Variants in TLN2 observed in about 807,000 individuals in gnomAD.
TLN2 encodes the protein talin-2.
In TLN2, 118 loss-of-function variants were observed where a neutral mutation model predicts 294.7. That is an observed-to-expected ratio of 0.40 (90% CI 0.34 to 0.47). The LOEUF is 0.47. Among genes scored for constraint, TLN2 ranks in the 20% least tolerant of loss-of-function variants. TLN2 has a pLI of 0.84. For synonymous variants in TLN2, 1,431 were observed against 1,304.5 expected (o/e 1.10, Z -2.09); for missense variants, 3,083 against 3,282.2 (o/e 0.94, Z 1.48).
At chr15:62,496,880 G>A (rs2039043750) in intron 1 of TLN2, among the ~76,000 whole-genome samples, 1 of 152,184 alleles carries the variant, frequency 6.6e-6, no homozygotes, top group Non-Finnish European at 1.5e-5. Context: ...AATGAGCTGT[G>A]TTCTGTAGGC....
At chr15:62,551,193 G>C (rs1237869506) in intron 1 of TLN2, among the ~76,000 whole-genome samples, 2 of 152,086 alleles carry the variant, frequency 1.3e-5, no homozygotes, top group South Asian at 2.1e-4. Flanking sequence ...GTGAGTGATG[G>C]GGAGCAGTTG....
chr15:62,656,119 G>C, intron 8 of TLN2, 33 bp downstream of exon 8: 2 of 1,605,712 alleles, frequency 1.2e-6, no homozygotes, highest in Non-Finnish European at 1.7e-6. Flanking sequence ...ACTGAGGTTG[G>C]TGAGATTGCA....
At chr15:62,513,775 AC>A (rs2040049703) in intron 1 of TLN2, among the ~76,000 whole-genome samples, 1 of 152,204 alleles carries the variant, frequency 6.6e-6, no homozygotes, top group South Asian at 2.1e-4. Flanking sequence ...GAAGTTCTAC[AC>A]AAAATTGGTG....
At chr15:62,511,926 AC>A (rs1200555537) in intron 1 of TLN2, among the ~76,000 whole-genome samples, 2 of 152,086 alleles carry the variant, frequency 1.3e-5, no homozygotes, top group Non-Finnish European at 2.9e-5. Context: ...CCCAGCAGTA[AC>A]CCTGGTCGAT....
chr15:62,569,543 A>C (rs2140636275), intron 1 of TLN2, among the ~76,000 whole-genome samples: 1 of 152,340 alleles, frequency 6.6e-6, no homozygotes, highest in East Asian at 1.9e-4. Flanking sequence ...ACACTCTGCT[A>C]CCCAGACTTT....
chr15:62,634,508 A>C (rs1253847776), intron 3 of TLN2, among the ~76,000 whole-genome samples: 1 of 152,208 alleles, frequency 6.6e-6, no homozygotes, highest in Non-Finnish European at 1.5e-5. Context: ...TGCTGTAGAG[A>C]ATTCATCGTT....
intron 2 of TLN2, among the ~76,000 whole-genome samples, chr15:62,590,429 G>T (rs911402529): frequency 6.6e-6 from 1 of 152,120 alleles, no homozygotes; most frequent in Non-Finnish European, 1.5e-5. Context: ...TTGGTTTTCT[G>T]TTCCTGTATT....
rs553780408 is a variant in TLN2, at chr15:62,605,614, G to C, written c.-161-12737G>C. On this transcript the variant is annotated intron_variant, in intron 2 of 58. Transcript: ENST00000636159. ...GAGAGGCTGTTGAATTGAGAATCCG[G>C]TACTTGACCTGCCAGCTCAGAACAC... 1.6e-3 allele frequency among the ~76,000 whole-genome samples: 239 copies of C among 148,962 alleles called. 2 individuals are homozygous for C. Among genetic ancestry groups the C allele is most frequent in the East Asian group, 1.7e-3 (8 of 4,802 alleles).
chr15:62,437,351 T>C (rs2035333971), intron 1 of TLN2, among the ~76,000 whole-genome samples: 1 of 151,996 alleles, frequency 6.6e-6, no homozygotes. Context: ...TGGTGGCTGC[T>C]GAGAGAGATC....
rs370540072 is a variant in TLN2 at position 62,792,259 on chromosome 15, C to T, written c.5737-382C>T. On this transcript the variant is annotated intron_variant, in intron 45 of 58. Transcript: ENST00000636159. ...AAACACATTACCTGCTTAGAAGAGGCCTTGACACACAATAGGGGCTCAGTA... is the reference window on the plus strand; with the variant it reads ...AAACACATTACCTGCTTAGAAGAGGTCTTGACACACAATAGGGGCTCAGTA... 3.0e-3 allele frequency among the ~76,000 whole-genome samples: 456 copies of T among 152,276 alleles called. 1 individual carries two copies. The highest frequency in any genetic ancestry group is 0.01 in the Middle Eastern group (3 of 294).
intron 41 of TLN2, among the ~76,000 whole-genome samples, chr15:62,769,561 A>G (rs750667307): frequency 5.3e-5 from 8 of 152,220 alleles, no homozygotes; most frequent in Non-Finnish European, 8.8e-5. Flanking sequence ...ATGTAAAAAT[A>G]AGTTTTATTG....
intron 44 of TLN2, 132 bp from the exon 45 acceptor site, chr15:62,783,639 C>T: frequency 6.9e-7 from 1 of 1,441,126 alleles, no homozygotes; most frequent in Non-Finnish European, 9.1e-7. Context: ...AAGGCCTGGC[C>T]TTCACCCCCT....
chr15:62,739,276 C>T, intron 30 of TLN2, 72 bp from the exon 31 acceptor site: 1 of 1,514,896 alleles, frequency 6.6e-7, no homozygotes, highest in East Asian at 2.3e-5. Flanking sequence ...GTCTCCCTTC[C>T]ACAATACCTT....
chr15:62,506,574 C>T (rs1357594063), intron 1 of TLN2, among the ~76,000 whole-genome samples: 1 of 152,176 alleles, frequency 6.6e-6, no homozygotes, highest in Non-Finnish European at 1.5e-5. Flanking sequence ...GGAGCATTCC[C>T]AACATGAAAG....
At chr15:62,473,345 TC>T (rs1281509996) in intron 1 of TLN2, among the ~76,000 whole-genome samples, 1 of 150,778 alleles carries the variant, frequency 6.6e-6, no homozygotes, top group Non-Finnish European at 1.5e-5. Flanking sequence ...CACAAAACTG[TC>T]TTTTTTTTTT....
intron 13 of TLN2, 76 bp from the exon 14 acceptor site, chr15:62,694,240 G>A: frequency 1.5e-6 from 2 of 1,358,104 alleles, no homozygotes; most frequent in Non-Finnish European, 1.1e-6. Context: ...GCCTCCCAAA[G>A]TGCTGGGATT....
chr15:62,618,910 G>A (rs1382752830), intron 3 of TLN2, among the ~76,000 whole-genome samples: 2 of 152,170 alleles, frequency 1.3e-5, no homozygotes, highest in Non-Finnish European at 2.9e-5. Context: ...TGCTGTTAAT[G>A]TTATAAACTA....
chr15:62,787,693 C>CTTTT (rs71672889), intron 45 of TLN2, among the ~76,000 whole-genome samples: 41 of 65,522 alleles, frequency 6.3e-4, no homozygotes, highest in East Asian at 8.4e-4. Flanking sequence ...AACTCCTTAT[C>CTTTT]TTTTTTTTTT....
At chr15:62,776,735 A>G in intron 42 of TLN2, 29 bp from the exon 43 acceptor site, 4 of 1,471,650 alleles carry the variant, frequency 2.7e-6, no homozygotes, top group South Asian at 1.4e-5. Context: ...TCTTCTGCTT[A>G]AGGAAATGTT....
Sources: allele counts gnomAD v4.1 joint callset (sites outside exome capture counted in the v4.1 genomes callset), GRCh38; gene constraint gnomAD v4.1.1; transcripts MANE v1.5; gene names NCBI Gene and HGNC (gene_info 2026-07-23, HGNC 2026-07-21).